Variants in ZNF605 observed in about 807,000 individuals in gnomAD.
The protein encoded by ZNF605 is zinc finger protein 605.
In ZNF605, 9 loss-of-function variants were observed where a neutral mutation model predicts 7.9. That is an observed-to-expected ratio of 1.14 (90% CI 0.68 to 1.98). The LOEUF is 1.98. Among genes scored for constraint, ZNF605 ranks in the 30% most tolerant of loss-of-function variants. The probability of loss-of-function intolerance (pLI) is 0.00; values close to 1 mark genes in which losing one functional copy is unlikely to be tolerated. For synonymous variants in ZNF605, 255 were observed against 260.1 expected (o/e 0.98, Z 0.19); for missense variants, 673 against 762.4 (o/e 0.88, Z 1.38).
chr12:132,944,446 T>G (rs1952478154), intron 3 of ZNF605, among the ~76,000 whole-genome samples: 1 of 152,226 alleles, frequency 6.6e-6, no homozygotes, highest in Admixed American at 6.5e-5. Flanking sequence ...GAAACAGAGC[T>G]GAACGCAGAT....
At chr12:132,939,730 T>C (rs1442170102) in intron 3 of ZNF605, among the ~76,000 whole-genome samples, 4 of 152,206 alleles carry the variant, frequency 2.6e-5, no homozygotes, top group Non-Finnish European at 4.4e-5. Context: ...TCTTCCACAC[T>C]GTGCAGGCTT....
rs545601470 is a variant in ZNF605, at chr12:132,935,493, G to A, written c.16-2338C>T. Among the ~76,000 whole-genome samples, 119 of 152,104 alleles carry A rather than the reference G, an allele frequency of 7.8e-4. 2 individuals carry two copies. The South Asian group carries it at 0.024, about 30-fold the overall frequency. Reference sequence around the variant, plus strand: ...GGGCCATGCATTCAGGCATCCGGCAGAATCAAATGCAAATTCTATTTAGAG... The same window carrying A: ...GGGCCATGCATTCAGGCATCCGGCAAAATCAAATGCAAATTCTATTTAGAG... On this transcript the variant is annotated intron_variant, in intron 3 of 4. Transcript: ENST00000360187.
rs1952326113 is a variant in ZNF605, at chr12:132,933,434, CTGGCTGCTGTGTTG to C, written c.16-293_16-280del. Reference sequence around the variant, plus strand: ...GGGCACTCTCTCTCTCTGGAGGAGTCTGGCTGCTGTGTTGTAAGGCCGCCATGTGGAAGCTCATG... The same window carrying C: ...GGGCACTCTCTCTCTCTGGAGGAGTCTAAGGCCGCCATGTGGAAGCTCATG... On this transcript the variant is annotated intron_variant, in intron 3 of 4. Transcript: ENST00000360187. The surrounding 1 kb of genome is among the most constrained non-coding windows in gnomAD (Gnocchi z 4.4). Among the ~76,000 whole-genome samples, 1 of 152,214 alleles carries C rather than the reference CTGGCTGCTGTGTTG, an allele frequency of 6.6e-6. No individual in the cohort carries two copies. Among genetic ancestry groups the C allele is most frequent in the African/African-American group, 2.4e-5 (1 of 41,450 alleles).
Position 132,932,811 on chromosome 12 carries a change from G to T in ZNF605, c.136+224C>A, listed in dbSNP as rs942140917. 8.6e-5 allele frequency: 132 copies of T among 1,533,124 alleles called. 1 individual carries two copies. The highest frequency in any genetic ancestry group is 2.6e-4 in the South Asian group (22 of 83,726). 95.0% of individuals were successfully genotyped at this position (1,533,124 alleles called of 1,614,324 possible). A position where few individuals can be genotyped will look rare whatever the true frequency, so the allele number is the denominator to read the frequency against. On this transcript the variant is annotated intron_variant, in intron 4 of 4. Transcript: ENST00000360187. ...AGGTTTGAGAATTTGAAAACCTGTC[G>T]ATTGGAAACACAGAGGACTTGGACC... is the stretch of plus-strand genomic sequence containing the variant.
At chr12:132,949,849 G>A (rs1406670965) in intron 1 of ZNF605, among the ~76,000 whole-genome samples, 8 of 152,204 alleles carry the variant, frequency 5.3e-5, no homozygotes, top group African/African-American at 1.2e-4. Flanking sequence ...GAGGCATGGC[G>A]CAGGCTTCGC....
Position 132,919,909 on chromosome 12 carries a change from T to G in ZNF605, c.*5464A>C, listed in dbSNP as rs866572283. The G allele has an allele frequency of 1.3e-5, 2 of 152,096 alleles. No homozygotes were observed. The highest frequency in any genetic ancestry group is 2.9e-5 in the Non-Finnish European group (2 of 68,190). 9.4% of individuals were successfully genotyped at this position (152,096 alleles called of 1,614,324 possible). ...CAGGCTGGAGTGCAGTGGTGTGATC[T>G]CAGCTCACTGCAACATCGGCTTCCT... On this transcript the variant is annotated 3_prime_UTR_variant, in exon 5 of 5. Transcript: ENST00000360187.
At chr12:132,952,257 C>T (rs112613223) in intron 1 of ZNF605, among the ~76,000 whole-genome samples, 7 of 151,676 alleles carry the variant, frequency 4.6e-5, no homozygotes, top group African/African-American at 7.3e-5. Context: ...GTCAGGAGTT[C>T]GAGACCAGCC....
Position 132,925,569 on chromosome 12 carries a change from ATC to A in ZNF605, c.1728_1729del (p.Ile577TyrfsTer13). ...TCCTGTATGAATTCTCTGATGTATA[ATC>A]AGCTGTGCCTTCTCAAAGAAAGCTT... On this transcript the variant is annotated frameshift_variant, in exon 5 of 5. Transcript: ENST00000360187. LOFTEE classifies it low-confidence loss of function (END_TRUNC). 1 of 1,614,174 alleles carries A rather than the reference ATC, an allele frequency of 6.2e-7. No individual in the cohort carries two copies. Among genetic ancestry groups the A allele is most frequent in the Non-Finnish European group, 8.5e-7 (1 of 1,180,036 alleles).
intron 3 of ZNF605, among the ~76,000 whole-genome samples, chr12:132,936,461 G>A (rs965443139): frequency 6.6e-6 from 1 of 152,126 alleles, no homozygotes; most frequent in African/African-American, 2.4e-5. Context: ...AACATAAAAG[G>A]ACTCACATTA....
Position 132,933,280 on chromosome 12 carries a change from T to A in ZNF605, c.16-125A>T. 9.2e-7 allele frequency: 1 copy of A among 1,083,616 alleles called. No homozygotes were observed. Among genetic ancestry groups the A allele is most frequent in the Non-Finnish European group, 1.3e-6 (1 of 773,726 alleles). The allele number at this position is 1,083,616 out of a possible 1,614,324, so 67.1% of individuals were successfully genotyped here. A position where few individuals can be genotyped will look rare whatever the true frequency, so the allele number is the denominator to read the frequency against. ...CAGTGACCTCTGACTCCGGTATTCATGCTTTTGCATAATCCTCCCCTCTTG... is the reference window on the plus strand; with the variant it reads ...CAGTGACCTCTGACTCCGGTATTCAAGCTTTTGCATAATCCTCCCCTCTTG... On this transcript the variant is annotated intron_variant, in intron 3 of 4. Transcript: ENST00000360187. The surrounding 1 kb of genome is among the most constrained non-coding windows in gnomAD (Gnocchi z 4.4).
chr12:132,951,177 TAC>T (rs1360201040), intron 1 of ZNF605, among the ~76,000 whole-genome samples: 1 of 149,144 alleles, frequency 6.7e-6, no homozygotes, highest in Non-Finnish European at 1.5e-5. Context: ...TACACAGACG[TAC>T]ACACAGACAT....
At chr12:132,934,233 C>T (rs765043690) in intron 3 of ZNF605, among the ~76,000 whole-genome samples, 32 of 151,570 alleles carry the variant, frequency 2.1e-4, no homozygotes, top group Non-Finnish European at 4.0e-4. Context: ...GAGCCAAGAT[C>T]GTGCACCTGC....
At chr12:132,934,277 CAAAT>C (rs57470927) in intron 3 of ZNF605, among the ~76,000 whole-genome samples, 65 of 151,330 alleles carry the variant, frequency 4.3e-4, no homozygotes, top group East Asian at 2.1e-3. Context: ...GACTCTGTCT[CAAAT>C]AAATAAATAA....
chr12:132,954,543 C>T lies in ZNF605; in HGVS notation c.-286+1700G>A, dbSNP rs904735964. ...CACTTCATCAGGTGCCCAAGTCAGGCGCTCACAGAGCCCCTCCCCTGTAAC... is the reference window on the plus strand; with the variant it reads ...CACTTCATCAGGTGCCCAAGTCAGGTGCTCACAGAGCCCCTCCCCTGTAAC... On this transcript the variant is annotated intron_variant, in intron 1 of 4. Coordinates refer to ENST00000360187, the MANE Select transcript of ZNF605 (RefSeq NM_183238.4). Among the ~76,000 whole-genome samples, 39 of 115,884 alleles carry T rather than the reference C, an allele frequency of 3.4e-4. No individual in the cohort carries two copies. The East Asian group carries it at 8.9e-3, about 26-fold the overall frequency. The allele number at this position is 115,884 out of a possible 152,430, so 76.0% of individuals were successfully genotyped here.
intron 1 of ZNF605, among the ~76,000 whole-genome samples, chr12:132,950,762 C>G (rs796934746): frequency 6.7e-6 from 1 of 149,102 alleles, no homozygotes; most frequent in East Asian, 2.3e-4. Context: ...TGATAACACA[C>G]GTACATCACA....
intron 1 of ZNF605, among the ~76,000 whole-genome samples, chr12:132,951,397 C>T (rs1456320250): frequency 3.7e-5 from 4 of 108,726 alleles, no homozygotes; most frequent in Non-Finnish European, 5.0e-5. Context: ...CACACAGATA[C>T]GTACATCACA....
In ZNF605 at chr12:132,918,609, ACT is replaced by A. The variant is rs1268571596; in HGVS notation, c.*6762_*6763del. On this transcript the variant is annotated 3_prime_UTR_variant, in exon 5 of 5. Transcript: ENST00000360187. ...TTCTCTTTTTTTGAGACGGAGTCTC[ACT>A]CTGTTGCTCAGGCTGGAGTGCAGTG... 1 of 152,068 alleles carries A rather than the reference ACT, an allele frequency of 6.6e-6. No homozygotes were observed. The highest frequency in any genetic ancestry group is 2.4e-5 in the African/African-American group (1 of 41,362). The allele number at this position is 152,068 out of a possible 1,614,324, so 9.4% of individuals were successfully genotyped here.
At chr12:132,942,041 T>G (rs1345810517) in intron 3 of ZNF605, among the ~76,000 whole-genome samples, 3 of 152,328 alleles carry the variant, frequency 2.0e-5, no homozygotes, top group African/African-American at 7.2e-5. Context: ...ATGATTTATC[T>G]TTTTGGTTAT....
chr12:132,938,371 A>T (rs1377836449), intron 3 of ZNF605, among the ~76,000 whole-genome samples: 1 of 144,470 alleles, frequency 6.9e-6, no homozygotes, highest in Non-Finnish European at 1.5e-5. Context: ...CACGATCTCG[A>T]CTCACTGCAA....
Sources: gnomAD v4.1 joint callset for allele counts (sites outside exome capture counted in the v4.1 genomes callset) on GRCh38, gnomAD v4.1.1 for gene constraint, Gnocchi (gnomAD v3.1) non-coding constraint, MANE v1.5 for transcripts, NCBI Gene and HGNC (gene_info 2026-07-23, HGNC 2026-07-21) for gene names.